Variants in ARHGEF28 observed in about 807,000 individuals in gnomAD.
The protein encoded by ARHGEF28 is Rho guanine nucleotide exchange factor 28.
In ARHGEF28, 152 loss-of-function variants were observed where a neutral mutation model predicts 206.6. The observed-to-expected ratio is 0.74, with a 90% CI of 0.64 to 0.84. The LOEUF is 0.84. ARHGEF28 is among the 40% of genes least tolerant of loss of function. The pLI is 0.00. For synonymous variants in ARHGEF28, 763 were observed against 776.4 expected (o/e 0.98, Z 0.29); for missense variants, 2,028 against 2,073.2 (o/e 0.98, Z 0.42).
Position 73,743,032 on chromosome 5 carries a change from G to A in ARHGEF28, c.34-6805G>A, listed in dbSNP as rs886985546. Among the ~76,000 whole-genome samples, 6 of 151,966 alleles carry A rather than the reference G, an allele frequency of 3.9e-5. No individual in the cohort carries two copies. The East Asian group carries it at 1.2e-3, about 29-fold the overall frequency. On this transcript the variant is annotated intron_variant, in intron 2 of 35. Transcript: ENST00000513042. ...ATTTTATAATTTTGTAAAATTGTTTGTATATTTGATTTAATTATATTTATT... is the reference window on the plus strand; with the variant it reads ...ATTTTATAATTTTGTAAAATTGTTTATATATTTGATTTAATTATATTTATT...
chr5:73,778,584 G>A (rs1561397659), intron 6 of ARHGEF28, among the ~76,000 whole-genome samples: 1 of 152,080 alleles, frequency 6.6e-6, no homozygotes, highest in South Asian at 2.1e-4. Context: ...CTTTCTTGAG[G>A]TGTATGGCTG....
chr5:73,737,448 T>TTTTCTTTTCTTTTCTTTTCTTTTCTTTTC (rs1751024217), intron 2 of ARHGEF28, among the ~76,000 whole-genome samples: 1 of 32,288 alleles, frequency 3.1e-5, no homozygotes, highest in Non-Finnish European at 5.5e-5. Context: ...CCTTCTTTTC[T>TTTTCTTTTCTTTTCTTTTCTTTTCTTTTC]TTTCTTTTCT....
intron 16 of ARHGEF28, among the ~76,000 whole-genome samples, chr5:73,861,505 T>C (rs1759399480): frequency 6.6e-6 from 1 of 152,170 alleles, no homozygotes; most frequent in South Asian, 2.1e-4. Flanking sequence ...CAATCTCAGC[T>C]TACTGCAACC....
At chr5:73,685,704 A>C (rs1388382250) in intron 2 of ARHGEF28, among the ~76,000 whole-genome samples, 2 of 151,938 alleles carry the variant, frequency 1.3e-5, no homozygotes, top group Admixed American at 1.3e-4. Context: ...CTCACTGCAA[A>C]CTCCGCCTCC....
chr5:73,780,678 C>T lies in ARHGEF28; in HGVS notation c.843C>T (p.Ala281=). Residue 281 remains alanine (A), a splice_region_variant and synonymous_variant, in exon 7 of 36, where the codon GCC becomes GCT. Transcript: ENST00000513042. The part of the protein sequence containing the change: ...YFWDRAFLVK[A]FEPEARPEER... ...TTTTTTTCCCCATTGTTTCCTAGGCCTTTGAGCCAGAAGCCAGGCCAGAGG... is the reference window on the plus strand; with the variant it reads ...TTTTTTTCCCCATTGTTTCCTAGGCTTTTGAGCCAGAAGCCAGGCCAGAGG... 1.3e-6 allele frequency: 2 copies of T among 1,553,638 alleles called. No homozygotes were observed. Among genetic ancestry groups the T allele is most frequent in the Non-Finnish European group, 1.7e-6 (2 of 1,148,414 alleles).
At chr5:73,786,902 G>C (rs973128256) in intron 7 of ARHGEF28, among the ~76,000 whole-genome samples, 1 of 152,198 alleles carries the variant, frequency 6.6e-6, no homozygotes, top group Non-Finnish European at 1.5e-5. Flanking sequence ...GACTAGAAGT[G>C]AGCAGATTTT....
At chr5:73,802,865 G>T (rs183849686) in intron 9 of ARHGEF28, among the ~76,000 whole-genome samples, 1 of 135,270 alleles carries the variant, frequency 7.4e-6, no homozygotes, top group Non-Finnish European at 1.5e-5. Context: ...CAGCAAGCTC[G>T]ATTGCTGTGT....
intron 5 of ARHGEF28, 106 bp from the exon 6 acceptor site, chr5:73,776,410 T>TTGGATTTGTAAGTTGGA: frequency 9.7e-7 from 1 of 1,025,676 alleles, no homozygotes; most frequent in Non-Finnish European, 1.4e-6. Flanking sequence ...TCAAGGATCA[T>TTGGATTTGTAAGTTGGA]TTTGCCAGTT....
At chr5:73,901,123 G>A (rs1762243319) in intron 30 of ARHGEF28, 61 bp from the exon 31 acceptor site, 2 of 1,387,086 alleles carry the variant, frequency 1.4e-6, no homozygotes, top group South Asian at 1.2e-5. Flanking sequence ...AGAAGAACCC[G>A]GTGGGCTGGC....
At chr5:73,885,604 G>A (rs1761230989) in intron 24 of ARHGEF28, among the ~76,000 whole-genome samples, 1 of 151,662 alleles carries the variant, frequency 6.6e-6, no homozygotes, top group African/African-American at 2.4e-5. Context: ...AGCCTCTTGA[G>A]TAGCTGGGAC....
intron 1 of ARHGEF28, among the ~76,000 whole-genome samples, chr5:73,659,348 G>A (rs1373864684): frequency 1.3e-5 from 2 of 152,124 alleles, no homozygotes; most frequent in Admixed American, 1.3e-4. Flanking sequence ...GGCTAACACG[G>A]TGAAACCCCG....
chr5:73,801,287 C>A (rs755423923), intron 9 of ARHGEF28, among the ~76,000 whole-genome samples: 2 of 151,554 alleles, frequency 1.3e-5, no homozygotes, highest in East Asian at 2.0e-4. Context: ...TCTACTAAAA[C>A]TACAAAAAAA....
chr5:73,882,492 T>G lies in ARHGEF28; in HGVS notation c.2835T>G (p.Ser945Arg). 1 of 1,459,172 alleles carries G rather than the reference T, an allele frequency of 6.9e-7. No individual in the cohort carries two copies. Among genetic ancestry groups the G allele is most frequent in the Non-Finnish European group, 9.2e-7 (1 of 1,087,640 alleles). 90.4% of individuals were successfully genotyped at this position (1,459,172 alleles called of 1,614,324 possible). Residue 945 changes from serine (S) to arginine (R), a missense_variant, in exon 23 of 36, where the codon AGT (serine) becomes AGG (arginine). Transcript: ENST00000513042. ...TCCAGTTTTCAGAAGAAAATGCAAG[T>G]AAAATGAAGAAAATATATGGAGAAT... ...LVQQFSEENA[S>R]KMKKIYGEFC...
Position 73,706,782 on chromosome 5 carries a change from C to A in ARHGEF28, c.33+21898C>A, listed in dbSNP as rs150389114. 7.6e-3 allele frequency among the ~76,000 whole-genome samples: 1,161 copies of A among 152,304 alleles called. 8 individuals carry two copies. Among genetic ancestry groups the A allele is most frequent in the Middle Eastern group, 0.031 (9 of 294 alleles). On this transcript the variant is annotated intron_variant, in intron 2 of 35. Coordinates refer to ENST00000513042, the MANE Select transcript of ARHGEF28 (RefSeq NM_001177693.2). Reference sequence around the variant, plus strand: ...TTAGGGGAGGTCAAGATGCTGCCAGCGGGGCAAACAACTTCCTTGGTAGGT... The same window carrying A: ...TTAGGGGAGGTCAAGATGCTGCCAGAGGGGCAAACAACTTCCTTGGTAGGT...
chr5:73,754,270 G>A (rs561872852), intron 4 of ARHGEF28, among the ~76,000 whole-genome samples: 10 of 152,258 alleles, frequency 6.6e-5, no homozygotes, highest in African/African-American at 2.4e-4. Flanking sequence ...AATCCAAAAG[G>A]ATCTCTGTTT....
intron 9 of ARHGEF28, among the ~76,000 whole-genome samples, chr5:73,826,046 A>G (rs1376928080): frequency 1.3e-5 from 2 of 152,130 alleles, no homozygotes; most frequent in Non-Finnish European, 2.9e-5. Context: ...ACCTGCCAAC[A>G]TCCAGAAGAT....
intron 13 of ARHGEF28, among the ~76,000 whole-genome samples, chr5:73,850,235 G>A (rs1758620881): frequency 1.3e-5 from 2 of 151,890 alleles, no homozygotes; most frequent in Non-Finnish European, 2.9e-5. Context: ...AAACACAAAA[G>A]AAATGCTACC....
At chr5:73,937,849 A>G (rs1255887999) in intron 35 of ARHGEF28, among the ~76,000 whole-genome samples, 1 of 152,178 alleles carries the variant, frequency 6.6e-6, no homozygotes, top group Non-Finnish European at 1.5e-5. Flanking sequence ...TGAGAAATAT[A>G]CAATTGCTGT....
chr5:73,639,450 AT>A (rs1273174102), intron 1 of ARHGEF28, among the ~76,000 whole-genome samples: 1 of 151,890 alleles, frequency 6.6e-6, no homozygotes, highest in Non-Finnish European at 1.5e-5. Flanking sequence ...TAGTAAAAAA[AT>A]GTGTGTATGT....
Sources: gnomAD v4.1 joint callset for allele counts (sites outside exome capture counted in the v4.1 genomes callset) on GRCh38, gnomAD v4.1.1 for gene constraint, MANE v1.5 for transcripts, NCBI Gene and HGNC (gene_info 2026-07-23, HGNC 2026-07-21) for gene names.